ATOSA: variants seen among roughly 807,000 people sequenced by gnomAD.
ATOSA encodes atos homolog A.
chr15:52,699,323 T>C, the ATOSA span, among the ~76,000 whole-genome samples: 1 of 152,174 alleles, frequency 6.6e-6, no homozygotes, highest in South Asian at 2.1e-4. Context: ...AAAAATGTCC[T>C]TGAGGGAGAA....
the ATOSA span, among the ~76,000 whole-genome samples, chr15:52,708,336 G>A: frequency 6.6e-6 from 1 of 152,064 alleles, no homozygotes; most frequent in Admixed American, 6.6e-5. Flanking sequence ...GGCTGCTTCT[G>A]GATTCCCACT....
the ATOSA span, among the ~76,000 whole-genome samples, chr15:52,621,043 G>C: frequency 6.6e-6 from 1 of 152,198 alleles, no homozygotes; most frequent in Admixed American, 6.5e-5. Flanking sequence ...GGAAATAACA[G>C]GACAAGTACA....
the ATOSA span, among the ~76,000 whole-genome samples, chr15:52,660,509 G>A: frequency 2.6e-5 from 4 of 152,220 alleles, no homozygotes; most frequent in African/African-American, 9.6e-5. Flanking sequence ...ACTTCTCCTT[G>A]CTCTCACTTA....
At chr15:52,593,777 T>A in the ATOSA span, 407 of 1,506,056 alleles carry the variant, frequency 2.7e-4, 2 homozygotes, top group South Asian at 3.3e-3. Context: ...TTAAAAAAGC[T>A]AACACATTCA....
chr15:52,678,085 G>C, the ATOSA span: 1 of 1,584,376 alleles, frequency 6.3e-7, no homozygotes, highest in South Asian at 1.1e-5. Flanking sequence ...CAACAGGCTC[G>C]CCGCTGATTC....
At chr15:52,659,046 C>A in the ATOSA span, among the ~76,000 whole-genome samples, 1 of 152,080 alleles carries the variant, frequency 6.6e-6, no homozygotes, top group African/African-American at 2.4e-5. Flanking sequence ...TACGGGCCAT[C>A]TGATACTCTC....
the ATOSA span, chr15:52,609,406 A>G: frequency 1.9e-6 from 3 of 1,613,806 alleles, no homozygotes; most frequent in South Asian, 3.3e-5. Context: ...CTGCCGGGGG[A>G]TATGTGATGC....
the ATOSA span, among the ~76,000 whole-genome samples, chr15:52,622,300 G>T: frequency 2.0e-5 from 3 of 152,132 alleles, no homozygotes; most frequent in African/African-American, 4.8e-5. Flanking sequence ...AAAAAATTAG[G>T]TAAGAACTGG....
chr15:52,595,090 T>A, the ATOSA span, among the ~76,000 whole-genome samples: 2 of 152,204 alleles, frequency 1.3e-5, no homozygotes, highest in Non-Finnish European at 2.9e-5. Flanking sequence ...CTGAACAAAT[T>A]TACCTGGCAA....
At chr15:52,675,081 G>GTATAAAACAAGTATAAAAAAAATGTT in the ATOSA span, among the ~76,000 whole-genome samples, 1 of 152,048 alleles carries the variant, frequency 6.6e-6, no homozygotes, top group African/African-American at 2.4e-5. Context: ...TAAAAACACA[G>GTATAAAACAAGTATAAAAAAAATGTT]GTCTGCTAAT....
At chr15:52,609,938 T>C in the ATOSA span, 2 of 1,611,346 alleles carry the variant, frequency 1.2e-6, no homozygotes, top group Non-Finnish European at 8.5e-7. Flanking sequence ...TGTGATTTTA[T>C]ATCACCTATA....
At chr15:52,639,891 C>A in the ATOSA span, among the ~76,000 whole-genome samples, 4 of 151,810 alleles carry the variant, frequency 2.6e-5, no homozygotes, top group African/African-American at 7.3e-5. Flanking sequence ...GCTAGGATTA[C>A]AGGCACCCGC....
chr15:52,613,356 A>G, the ATOSA span, among the ~76,000 whole-genome samples: 4 of 152,266 alleles, frequency 2.6e-5, no homozygotes, highest in African/African-American at 7.2e-5. Flanking sequence ...ACAGAGCGAG[A>G]CTCCGTCTCA....
chr15:52,630,776 A>G, the ATOSA span, among the ~76,000 whole-genome samples: 1 of 152,206 alleles, frequency 6.6e-6, no homozygotes, highest in African/African-American at 2.4e-5. Flanking sequence ...TTTGGAAAAA[A>G]CAAGTGTTTA....
chr15:52,675,892 C>T, the ATOSA span, among the ~76,000 whole-genome samples: 8 of 144,666 alleles, frequency 5.5e-5, no homozygotes, highest in South Asian at 1.1e-3. Flanking sequence ...GGCGACAGAG[C>T]GAGACTCCGT....
chr15:52,641,521 T>C, the ATOSA span, among the ~76,000 whole-genome samples: 1 of 152,188 alleles, frequency 6.6e-6, no homozygotes, highest in Non-Finnish European at 1.5e-5. Context: ...TGTATGAGAA[T>C]GATAGCTTGC....
chr15:52,588,127 G>C, the ATOSA span, among the ~76,000 whole-genome samples: 1 of 152,172 alleles, frequency 6.6e-6, no homozygotes, highest in African/African-American at 2.4e-5. Flanking sequence ...AGCATCATCA[G>C]CATCACTTGT....
At chr15:52,629,943 G>A in the ATOSA span, among the ~76,000 whole-genome samples, 6 of 152,160 alleles carry the variant, frequency 3.9e-5, no homozygotes, top group Middle Eastern at 3.4e-3. Context: ...AGGAAAATAA[G>A]ACAAAAAACA....
chr15:52,593,703 C>T, the ATOSA span: 6 of 1,556,198 alleles, frequency 3.9e-6, no homozygotes, highest in Non-Finnish European at 5.2e-6. Flanking sequence ...TCAACAATGC[C>T]GAGAGGATCG....
Sources: gnomAD v4.1 joint callset for allele counts (sites outside exome capture counted in the v4.1 genomes callset) on GRCh38, gnomAD v4.1.1 for gene constraint, MANE v1.5 for transcripts, NCBI Gene and HGNC (gene_info 2026-07-23, HGNC 2026-07-21) for gene names.